PPP2R2B: variants seen among roughly 807,000 people sequenced by gnomAD.
PPP2R2B encodes the protein protein phosphatase 2 regulatory subunit Bbeta, also known as serine/threonine-protein phosphatase 2A 55 kDa regulatory subunit B beta isoform.
A neutral mutation model predicts 46.0 loss-of-function variants in PPP2R2B; 5 were observed. That is an observed-to-expected ratio of 0.11 (90% CI 0.06 to 0.23). PPP2R2B has a LOEUF of 0.23. Ranked by LOEUF, PPP2R2B falls within the 10% of genes least tolerant of loss-of-function variation. PPP2R2B has a pLI of 1.00. For missense variants in PPP2R2B, 367 were observed against 575.0 expected, an observed-to-expected ratio of 0.64 and a Z score of 3.70; for synonymous variants, 215 against 206.7, an observed-to-expected ratio of 1.04 and a Z score of -0.34.
At chr5:146,917,404 G>A (rs796762270) in intron 1 of PPP2R2B, among the ~76,000 whole-genome samples, 41 of 152,238 alleles carry the variant, frequency 2.7e-4, no homozygotes, top group African/African-American at 8.7e-4. Context: ...GTCACCAAGC[G>A]CCTACCTCAG....
At chr5:146,676,672 T>A (rs1777738743) in intron 5 of PPP2R2B, among the ~76,000 whole-genome samples, 1 of 152,092 alleles carries the variant, frequency 6.6e-6, no homozygotes, top group African/African-American at 2.4e-5. Flanking sequence ...GGCTTTACAT[T>A]AGGAGCATTT....
At chr5:147,057,394 T>A (rs980218381), upstream of PPP2R2B, among the ~76,000 whole-genome samples, 1 of 152,204 alleles carries the variant, frequency 6.6e-6, no homozygotes, top group South Asian at 2.1e-4. Context: ...GAAGACTATA[T>A]GCAGGAGTGT....
rs142193382 is a variant in PPP2R2B at position 146,800,190 on chromosome 5, CAAATAAAAGATAAATAT to C, written c.70+77795_70+77811del. 8.8e-3 allele frequency among the ~76,000 whole-genome samples: 1,343 copies of C among 151,892 alleles called. 27 individuals carry two copies. Among genetic ancestry groups the C allele is most frequent in the African/African-American group, 0.031 (1,276 of 41,408 alleles). On this transcript the variant is annotated intron_variant, in intron 2 of 9. Transcript: ENST00000394411. ...AAATGAGAGGATTTTCTGTAATTTC[CAAATAAAAGATAAATAT>C]AAATAAAAGATAATAATAATAAACA... is the stretch of plus-strand genomic sequence containing the variant.
chr5:146,894,526 A>T (rs1264250544), intron 1 of PPP2R2B, among the ~76,000 whole-genome samples: 2 of 152,120 alleles, frequency 1.3e-5, no homozygotes, highest in African/African-American at 2.4e-5. Context: ...TGAAGCCTTG[A>T]CCTCATAGGT....
chr5:146,636,367 T>C (rs1420690181), intron 7 of PPP2R2B, among the ~76,000 whole-genome samples: 2 of 152,198 alleles, frequency 1.3e-5, no homozygotes, highest in Non-Finnish European at 2.9e-5. Context: ...GGTAGAAACA[T>C]AATTATTAAA....
intron 7 of PPP2R2B, among the ~76,000 whole-genome samples, chr5:146,634,964 C>A (rs1774710436): frequency 6.6e-6 from 1 of 152,102 alleles, no homozygotes; most frequent in Non-Finnish European, 1.5e-5. Context: ...CTATATCTGG[C>A]AAGAGGGTTG....
At chr5:146,883,730 C>G (rs182028188), upstream of PPP2R2B, among the ~76,000 whole-genome samples, 81 of 152,300 alleles carry the variant, frequency 5.3e-4, no homozygotes, top group Middle Eastern at 3.4e-3. Flanking sequence ...GTTTGCAATT[C>G]CTGTTTGTGC....
chr5:146,738,845 A>G (rs1752700320), intron 2 of PPP2R2B, among the ~76,000 whole-genome samples: 1 of 152,218 alleles, frequency 6.6e-6, no homozygotes, highest in Non-Finnish European at 1.5e-5. Flanking sequence ...TAATTCATAA[A>G]TTAATTCAAA....
chr5:147,044,178 T>C (rs1756443817), intron 1 of PPP2R2B, among the ~76,000 whole-genome samples: 1 of 152,050 alleles, frequency 6.6e-6, no homozygotes. Context: ...CCCTCCTCAT[T>C]CTCATGTTGA....
chr5:146,985,033 T>A (rs1753358981), intron 1 of PPP2R2B, among the ~76,000 whole-genome samples: 2 of 146,740 alleles, frequency 1.4e-5, no homozygotes, highest in Non-Finnish European at 3.0e-5. Flanking sequence ...TTTTTTTTTT[T>A]TTTTTGAGAC....
At chr5:146,977,655 C>T (rs373163398) in intron 1 of PPP2R2B, among the ~76,000 whole-genome samples, 9 of 151,974 alleles carry the variant, frequency 5.9e-5, no homozygotes, top group East Asian at 3.9e-4. Flanking sequence ...GTTAGTTTGC[C>T]GAGAATGATG....
At chr5:146,969,022 C>T (rs1582517961) in intron 1 of PPP2R2B, among the ~76,000 whole-genome samples, 2 of 152,232 alleles carry the variant, frequency 1.3e-5, no homozygotes, top group African/African-American at 2.4e-5. Context: ...CGCCAGCCAG[C>T]GGGTATTTGT....
chr5:146,725,888 C>T (rs3844537), intron 2 of PPP2R2B, among the ~76,000 whole-genome samples: 8,400 of 152,212 alleles, frequency 0.055, 792 homozygotes, highest in African/African-American at 0.19. Context: ...GTACCTTGTG[C>T]CTAGCATGGC....
At chr5:146,773,558 C>G (rs757121625) in intron 2 of PPP2R2B, among the ~76,000 whole-genome samples, 1 of 152,160 alleles carries the variant, frequency 6.6e-6, no homozygotes. Context: ...TATGGCCTAT[C>G]TACAAAAATA....
At chr5:146,998,351 A>G (rs1934706592) in intron 1 of PPP2R2B, among the ~76,000 whole-genome samples, 1 of 152,212 alleles carries the variant, frequency 6.6e-6, no homozygotes, top group African/African-American at 2.4e-5. Flanking sequence ...GCACCTGCCC[A>G]GGAATGTGCT....
intron 5 of PPP2R2B, among the ~76,000 whole-genome samples, chr5:146,687,480 T>C (rs983422175): frequency 6.6e-6 from 1 of 152,088 alleles, no homozygotes; most frequent in Non-Finnish European, 1.5e-5. Flanking sequence ...ATATGGCAAA[T>C]GATCAATAAG....
rs1332213961 is a variant in PPP2R2B, at chr5:146,586,259, T to C, written c.*3688A>G. On this transcript the variant is annotated 3_prime_UTR_variant, in exon 10 of 10. Transcript: ENST00000394411. ...CATTATTAAAAACACACCGGCTTCATCCACACATTCATCACGGAAGAGGGA... is the reference window on the plus strand; with the variant it reads ...CATTATTAAAAACACACCGGCTTCACCCACACATTCATCACGGAAGAGGGA... 2 of 152,264 alleles carry C rather than the reference T, an allele frequency of 1.3e-5. No homozygotes were observed. Among genetic ancestry groups the C allele is most frequent in the African/African-American group, 2.4e-5 (1 of 41,436 alleles). 9.4% of individuals were successfully genotyped at this position (152,264 alleles called of 1,614,324 possible).
rs78932356 is a variant in PPP2R2B at position 146,920,113 on chromosome 5, G to C, written c.79+135552C>G. 5.3e-3 allele frequency among the ~76,000 whole-genome samples: 805 copies of C among 152,202 alleles called. 1 individual carries two copies. Among genetic ancestry groups the C allele is most frequent in the Middle Eastern group, 0.017 (5 of 294 alleles). On this transcript the variant is annotated intron_variant, in intron 1 of 8. Transcript: ENST00000336640. ...GGCACATAATCAGGCCGTACATGAA[G>C]GTTATAGTAATTATTACAAATAATC...
At chr5:146,970,401 GA>G (rs1752613658) in intron 1 of PPP2R2B, among the ~76,000 whole-genome samples, 1 of 152,004 alleles carries the variant, frequency 6.6e-6, no homozygotes, top group Non-Finnish European at 1.5e-5. Flanking sequence ...AAGAGTTCGA[GA>G]ATAGCCAGGT....
Sources: allele counts gnomAD v4.1 joint callset (sites outside exome capture counted in the v4.1 genomes callset), GRCh38; gene constraint gnomAD v4.1.1; transcripts MANE v1.5; gene names NCBI Gene and HGNC (gene_info 2026-07-23, HGNC 2026-07-21).